CNTN4: variants seen among roughly 807,000 people sequenced by gnomAD.
CNTN4 encodes the protein contactin-4.
Under a neutral mutation model 122.5 loss-of-function variants are expected in CNTN4, and 77 were observed. The ratio of observed to expected loss-of-function variants is 0.63; its 90% CI spans 0.52 to 0.76. The LOEUF is 0.76. Among genes scored for constraint, CNTN4 ranks in the 30% least tolerant of loss-of-function variants. The pLI, the probability that CNTN4 is intolerant of heterozygous loss-of-function variation, is 0.00. For synonymous variants in CNTN4, 512 were observed against 447.0 expected (o/e 1.15, Z -1.83); for missense variants, 1,256 against 1,259.1 (o/e 1.00, Z 0.04).
intron 2 of CNTN4, among the ~76,000 whole-genome samples, chr3:2,295,295 C>T (rs908810675): frequency 2.1e-5 from 3 of 142,304 alleles, no homozygotes; most frequent in African/African-American, 8.1e-5. Flanking sequence ...GTCCCACCAA[C>T]AGTGTAAAAG....
At chr3:2,749,259 G>T (rs936308449) in intron 6 of CNTN4, among the ~76,000 whole-genome samples, 8 of 151,652 alleles carry the variant, frequency 5.3e-5, no homozygotes, top group African/African-American at 1.9e-4. Context: ...CACCTCCTGG[G>T]TTCAAGCTAT....
chr3:2,981,085 G>T (rs928144460), intron 13 of CNTN4, among the ~76,000 whole-genome samples: 3 of 152,148 alleles, frequency 2.0e-5, no homozygotes, highest in African/African-American at 7.2e-5. Context: ...GTCTATGTCT[G>T]CAGCTCGATT....
At position 2,625,243 on chromosome 3, in the gene CNTN4, A is replaced by G. The variant is rs539629826; in HGVS notation, c.55+53685A>G. Among the ~76,000 whole-genome samples the G allele has an allele frequency of 5.3e-5, 8 of 152,222 alleles. No homozygotes were observed. In the East Asian group the frequency reaches 1.5e-3, roughly 29 times the overall value. On this transcript the variant is annotated intron_variant, in intron 4 of 24. Coordinates refer to ENST00000418658, the MANE Select transcript of CNTN4 (RefSeq NM_175607.3). ...TAAAAATCCATGCACACCTCCCACA[A>G]CGCCACAAGAGCAGACTTCTGGGAC...
intron 14 of CNTN4, among the ~76,000 whole-genome samples, chr3:2,992,254 G>T (rs1386705336): frequency 6.6e-6 from 1 of 152,192 alleles, no homozygotes; most frequent in Non-Finnish European, 1.5e-5. Flanking sequence ...GGGGGCTCTT[G>T]ATTATCATCC....
chr3:2,945,637 G>A (rs1373229469), intron 13 of CNTN4, among the ~76,000 whole-genome samples: 1 of 152,136 alleles, frequency 6.6e-6, no homozygotes, highest in Admixed American at 6.5e-5. Flanking sequence ...AGGAAAGGAA[G>A]AAAGCAAATC....
At position 2,911,965 on chromosome 3, in the gene CNTN4, ATAAG is replaced by A. The variant is rs374174795; in HGVS notation, c.1207+8962_1207+8965del. Among the ~76,000 whole-genome samples the A allele has an allele frequency of 5.9e-3, 897 of 152,294 alleles. 5 individuals carry two copies. The highest frequency in any genetic ancestry group is 0.021 in the African/African-American group (861 of 41,554). ...ATGGGACATCATCAAGTGCAACAAT[ATAAG>A]TGTTATGTAATTTGCAGACAATAAA... is the stretch of plus-strand genomic sequence containing the variant. On this transcript the variant is annotated intron_variant, in intron 12 of 24. Transcript: ENST00000418658.
At chr3:2,246,051 T>C (rs1351328161) in intron 2 of CNTN4, among the ~76,000 whole-genome samples, 2 of 152,030 alleles carry the variant, frequency 1.3e-5, no homozygotes, top group Non-Finnish European at 2.9e-5. Context: ...TTTCTGGATG[T>C]TAGTTTTTCA....
intron 2 of CNTN4, among the ~76,000 whole-genome samples, chr3:2,206,080 A>T (rs1008462334): frequency 6.6e-6 from 1 of 152,108 alleles, no homozygotes; most frequent in African/African-American, 2.4e-5. Flanking sequence ...TATAGATACA[A>T]GCTCTTACAA....
At chr3:2,271,827 A>G (rs1006668804) in intron 2 of CNTN4, among the ~76,000 whole-genome samples, 3 of 152,202 alleles carry the variant, frequency 2.0e-5, no homozygotes, top group Admixed American at 2.0e-4. Flanking sequence ...TTTATTCATC[A>G]ATAAACACCT....
At chr3:2,757,016 T>A (rs6776511) in intron 6 of CNTN4, among the ~76,000 whole-genome samples, 99,725 of 151,920 alleles carry the variant, frequency 0.66, 35,691 homozygotes, top group Non-Finnish European at 0.8. Context: ...ATCAATTTTT[T>A]AAAAAAATCT....
rs546311557 is a variant in CNTN4 at position 2,164,400 on chromosome 3, T to A, written c.-145+63761T>A. Among the ~76,000 whole-genome samples, 3 of 152,214 alleles carry A rather than the reference T, an allele frequency of 2.0e-5. No homozygotes were observed. The East Asian group carries it at 5.8e-4, about 29-fold the overall frequency. ...ACGCACATAGGATAGGTCTTGGGGC[T>A]CATCTCATAACTAATAATAGGAATT... On this transcript the variant is annotated intron_variant, in intron 2 of 24. Coordinates refer to ENST00000418658, the MANE Select transcript of CNTN4 (RefSeq NM_175607.3).
chr3:3,004,970 C>T (rs529811599), intron 14 of CNTN4, among the ~76,000 whole-genome samples: 1 of 152,206 alleles, frequency 6.6e-6, no homozygotes, highest in African/African-American at 2.4e-5. Context: ...TTTTAAAATT[C>T]AAGAGGCAGC....
chr3:2,448,544 C>T (rs535456467), intron 3 of CNTN4, among the ~76,000 whole-genome samples: 11 of 152,238 alleles, frequency 7.2e-5, no homozygotes, highest in Middle Eastern at 3.4e-3. Flanking sequence ...CGAAAGCTAT[C>T]GGAAGGTTGG....
At chr3:2,613,083 C>T (rs547716939) in intron 4 of CNTN4, among the ~76,000 whole-genome samples, 12 of 152,200 alleles carry the variant, frequency 7.9e-5, no homozygotes, top group South Asian at 4.2e-4. Flanking sequence ...ATACATCATC[C>T]GTGAACTAAG....
At chr3:2,384,338 C>G (rs2046153893) in intron 3 of CNTN4, among the ~76,000 whole-genome samples, 1 of 152,130 alleles carries the variant, frequency 6.6e-6, no homozygotes, top group Non-Finnish European at 1.5e-5. Flanking sequence ...TTTAGTCTAG[C>G]CGTGGCATGC....
Position 2,887,188 on chromosome 3 carries a change from G to A in CNTN4, c.904G>A (p.Gly302Arg). 4 of 1,613,924 alleles carry A rather than the reference G, an allele frequency of 2.5e-6. No individual in the cohort carries two copies. Among genetic ancestry groups the A allele is most frequent in the Non-Finnish European group, 3.4e-6 (4 of 1,180,016 alleles). The stretch of plus-strand genomic sequence containing the variant: ...TGAATGTGTAGCTGAAAATTCCAGA[G>A]GGAAAAATGTAGCAAGGGGACAGCT... Reference protein sequence around the residue: ...LYECVAENSRGKNVARGQLTF... With the variant: ...LYECVAENSRRKNVARGQLTF... Residue 302 changes from glycine (G) to arginine (R), a missense_variant, in exon 10 of 25, where the codon GGG (glycine) becomes AGG (arginine). Physicochemically the swap from Gly to Arg is moderately radical, Grantham distance 125. Coordinates refer to ENST00000418658, the MANE Select transcript of CNTN4 (RefSeq NM_175607.3).
chr3:2,236,013 G>A (rs1280059702), intron 2 of CNTN4, among the ~76,000 whole-genome samples: 2 of 152,170 alleles, frequency 1.3e-5, no homozygotes, highest in Non-Finnish European at 2.9e-5. Flanking sequence ...TAATTCAATG[G>A]AGAAGGGTTC....
chr3:2,241,749 A>G (rs377061681), intron 2 of CNTN4, among the ~76,000 whole-genome samples: 1 of 152,158 alleles, frequency 6.6e-6, no homozygotes, highest in Admixed American at 6.5e-5. Context: ...CTTTGACACA[A>G]GTCATGCTCT....
At chr3:2,494,928 C>T (rs748105797) in intron 3 of CNTN4, among the ~76,000 whole-genome samples, 1 of 152,112 alleles carries the variant, frequency 6.6e-6, no homozygotes, top group South Asian at 2.1e-4. Context: ...ATCAGGGTTT[C>T]TCAACCCAAA....
Sources: allele counts gnomAD v4.1 joint callset (sites outside exome capture counted in the v4.1 genomes callset), GRCh38; gene constraint gnomAD v4.1.1; transcripts MANE v1.5; gene names NCBI Gene and HGNC (gene_info 2026-07-23, HGNC 2026-07-21).